TNKS: variants seen among roughly 807,000 people sequenced by gnomAD.
TNKS encodes the protein poly [ADP-ribose] polymerase tankyrase-1.
Under a neutral mutation model 135.8 loss-of-function variants are expected in TNKS, and 72 were observed. The ratio of observed to expected loss-of-function variants is 0.53; its 90% CI spans 0.44 to 0.64. The LOEUF is 0.64. Ranked by LOEUF, TNKS falls within the 30% of genes least tolerant of loss-of-function variation. The pLI, the probability that TNKS is intolerant of heterozygous loss-of-function variation, is 0.00. For synonymous variants in TNKS, 849 were observed against 649.3 expected, an observed-to-expected ratio of 1.31 and a Z score of -4.68; for missense variants, 1,769 against 1,674.0, an observed-to-expected ratio of 1.06 and a Z score of -0.99.
At chr8:9,707,285 T>C (rs1006489584) in intron 8 of TNKS, among the ~76,000 whole-genome samples, 3 of 152,250 alleles carry the variant, frequency 2.0e-5, no homozygotes, top group Non-Finnish European at 2.9e-5. Flanking sequence ...ATTTCTTGGA[T>C]ACTTGCAATG....
intron 1 of TNKS, among the ~76,000 whole-genome samples, chr8:9,578,044 T>A (rs1304025257): frequency 6.6e-6 from 1 of 152,080 alleles, no homozygotes; most frequent in Non-Finnish European, 1.5e-5. Context: ...TCCAAAATAA[T>A]CTCCCTTGAC....
At chr8:9,741,712 G>A (rs772224433) in intron 17 of TNKS, 1 of 529,918 alleles carries the variant, frequency 1.9e-6, no homozygotes, top group East Asian at 5.5e-5. Context: ...CCACTGTGAA[G>A]ACAGTAAAAT....
intron 6 of TNKS, among the ~76,000 whole-genome samples, chr8:9,705,805 T>C (rs1295190080): frequency 6.6e-6 from 1 of 152,222 alleles, no homozygotes; most frequent in Non-Finnish European, 1.5e-5. Context: ...AGTTTGGATA[T>C]TTGATTATTT....
chr8:9,680,348 T>A (rs1452675627), intron 4 of TNKS, among the ~76,000 whole-genome samples: 1 of 142,872 alleles, frequency 7.0e-6, no homozygotes, highest in Non-Finnish European at 1.6e-5. Context: ...AATCCTCATC[T>A]ATTTTTTTTG....
chr8:9,682,245 C>A (rs1802812767), intron 5 of TNKS, among the ~76,000 whole-genome samples: 1 of 152,078 alleles, frequency 6.6e-6, no homozygotes. Context: ...CGGCCTACGT[C>A]ACTTTTCTAT....
At position 9,727,135 on chromosome 8, in the gene TNKS, C is replaced by A. The variant is rs556539443; in HGVS notation, c.2001+415C>A. 2.6e-5 allele frequency among the ~76,000 whole-genome samples: 4 copies of A among 152,248 alleles called. No individual in the cohort carries two copies. In the East Asian group the frequency reaches 5.8e-4, roughly 22 times the overall value. On this transcript the variant is annotated intron_variant, in intron 13 of 26. Coordinates refer to ENST00000310430, the MANE Select transcript of TNKS (RefSeq NM_003747.3). ...GACATTTGAAAGAATATTTCTTGAT[C>A]TTTTCTCAGAGGTTCACACATTTAT...
chr8:9,662,155 A>G (rs1801748808), intron 3 of TNKS, among the ~76,000 whole-genome samples: 1 of 152,200 alleles, frequency 6.6e-6, no homozygotes, highest in African/African-American at 2.4e-5. Flanking sequence ...TGGGACTGTA[A>G]ACTAGTTCAA....
At chr8:9,586,635 C>G (rs868012154) in intron 2 of TNKS, among the ~76,000 whole-genome samples, 11 of 151,386 alleles carry the variant, frequency 7.3e-5, no homozygotes, top group African/African-American at 2.4e-4. Flanking sequence ...CAGATAAGAT[C>G]TTGGTTCAGA....
intron 20 of TNKS, among the ~76,000 whole-genome samples, chr8:9,759,496 G>C (rs1391717570): frequency 6.6e-6 from 1 of 152,124 alleles, no homozygotes; most frequent in African/African-American, 2.4e-5. Flanking sequence ...CTTGCTATCA[G>C]TCTTTTCAGG....
chr8:9,739,112 C>CGCCT (rs950653714), intron 17 of TNKS, among the ~76,000 whole-genome samples: 8 of 142,212 alleles, frequency 5.6e-5, no homozygotes, highest in African/African-American at 1.8e-4. Context: ...TCAGAGTGAA[C>CGCCT]AGGCAACCTA....
intron 26 of TNKS, among the ~76,000 whole-genome samples, chr8:9,775,272 G>C (rs183123749): frequency 1.9e-3 from 289 of 151,718 alleles, no homozygotes; most frequent in Admixed American, 3.7e-3. Flanking sequence ...AGTTTCTTTT[G>C]TGAGAAACTG....
At chr8:9,591,250 C>A (rs909428391) in intron 2 of TNKS, among the ~76,000 whole-genome samples, 4 of 152,058 alleles carry the variant, frequency 2.6e-5, no homozygotes, top group Non-Finnish European at 5.9e-5. Flanking sequence ...TTCCCTAGGT[C>A]CATTTGGCTA....
chr8:9,730,649 C>T (rs1207311820), intron 13 of TNKS, among the ~76,000 whole-genome samples: 10 of 152,032 alleles, frequency 6.6e-5, no homozygotes, highest in Non-Finnish European at 1.0e-4. Flanking sequence ...TATTTGATTC[C>T]GATTTTGGTT....
At chr8:9,712,916 T>A (rs948261566) in intron 11 of TNKS, among the ~76,000 whole-genome samples, 10 of 152,194 alleles carry the variant, frequency 6.6e-5, no homozygotes, top group African/African-American at 2.4e-4. Context: ...GAAATCTTTT[T>A]AAATTTTTAA....
At chr8:9,623,592 G>T (rs995614062) in intron 3 of TNKS, among the ~76,000 whole-genome samples, 2 of 152,140 alleles carry the variant, frequency 1.3e-5, no homozygotes, top group Non-Finnish European at 2.9e-5. Flanking sequence ...TAGAAAAATG[G>T]TGCCAATAGA....
chr8:9,575,171 C>T (rs1180335669), intron 1 of TNKS: 6 of 727,226 alleles, frequency 8.3e-6, no homozygotes, highest in East Asian at 1.3e-4. Context: ...ATTGCAAGCT[C>T]CGCCTCCCGG....
At chr8:9,673,417 G>T (rs1802392103) in intron 3 of TNKS, among the ~76,000 whole-genome samples, 1 of 146,952 alleles carries the variant, frequency 6.8e-6, no homozygotes, top group Non-Finnish European at 1.5e-5. Context: ...TAATAGAGTT[G>T]TATTTGGGGC....
intron 2 of TNKS, among the ~76,000 whole-genome samples, chr8:9,611,327 G>A (rs1799454726): frequency 1.3e-5 from 2 of 152,150 alleles, no homozygotes; most frequent in Admixed American, 6.5e-5. Context: ...ATGTTACTCA[G>A]ATTTTAGTTT....
chr8:9,726,697 G>A lies in TNKS; in HGVS notation c.1978G>A (p.Ala660Thr). The change falls in exon 13 of 27, where the codon GCT (alanine) becomes ACT (threonine). Residue 660 changes from alanine to threonine, a missense_variant. Coordinates refer to ENST00000310430, the MANE Select transcript of TNKS (RefSeq NM_003747.3). ...TTATCGACTCTTAGAGGCATCTAAA[G>A]CTGGAGACTTGGAAACTGTGAAGGT... is the stretch of plus-strand genomic sequence containing the variant. Reference protein sequence around the residue: ...VDYRLLEASKAGDLETVKQLC... With the variant: ...VDYRLLEASKTGDLETVKQLC... 1 of 1,613,424 alleles carries A rather than the reference G, an allele frequency of 6.2e-7. No homozygotes were observed. Among genetic ancestry groups the A allele is most frequent in the Non-Finnish European group, 8.5e-7 (1 of 1,179,780 alleles).
Sources: gnomAD v4.1 joint callset for allele counts (sites outside exome capture counted in the v4.1 genomes callset) on GRCh38, gnomAD v4.1.1 for gene constraint, MANE v1.5 for transcripts, NCBI Gene and HGNC (gene_info 2026-07-23, HGNC 2026-07-21) for gene names.